Variants in WHRN observed in about 807,000 individuals in gnomAD.
The protein encoded by WHRN is whirlin.
WHRN carries 41 observed loss-of-function variants against 68.3 expected under a neutral mutation model. The observed-to-expected ratio is 0.60, with a 90% CI of 0.47 to 0.78. The LOEUF is 0.78. Among genes scored for constraint, WHRN ranks in the 30% least tolerant of loss-of-function variants. The pLI, the probability that WHRN is intolerant of heterozygous loss-of-function variation, is 0.00. For missense variants in WHRN, 1,243 were observed against 1,244.7 expected (o/e 1.00, Z 0.02); for synonymous variants, 560 against 561.3 (o/e 1.00, Z 0.03).
intron 1 of WHRN, among the ~76,000 whole-genome samples, chr9:114,493,661 C>G (rs1456051820): frequency 2.0e-5 from 3 of 151,712 alleles, no homozygotes; most frequent in East Asian, 3.9e-4. Context: ...AGACAACGTA[C>G]AAAATAAAAA....
At chr9:114,503,299 C>T (rs952531620) in intron 1 of WHRN, 27 of 709,850 alleles carry the variant, frequency 3.8e-5, no homozygotes, top group Admixed American at 6.3e-5. Flanking sequence ...GTCCCTTTTC[C>T]CCCAAACTCT....
chr9:114,492,679 T>G (rs948130157), intron 1 of WHRN, among the ~76,000 whole-genome samples: 1 of 152,126 alleles, frequency 6.6e-6, no homozygotes, highest in African/African-American at 2.4e-5. Context: ...TTTCTGAAGT[T>G]TTCAAGTTTT....
intron 3 of WHRN, among the ~76,000 whole-genome samples, chr9:114,436,686 G>A (rs562089205): frequency 2.8e-4 from 43 of 152,052 alleles, no homozygotes; most frequent in African/African-American, 9.2e-4. Context: ...AAAATTAGCC[G>A]GGCATGGTGG....
In WHRN at chr9:114,487,008, T is replaced by A. The variant is rs1490413435; in HGVS notation, c.619-8237A>T. Among the ~76,000 whole-genome samples, 59 of 92,246 alleles carry A rather than the reference T, an allele frequency of 6.4e-4. 1 individual carries two copies. The highest frequency in any genetic ancestry group is 2.4e-3 in the African/African-American group (52 of 21,548). The allele number at this position is 92,246 out of a possible 152,430, so 60.5% of individuals were successfully genotyped here. A position where few individuals can be genotyped will look rare whatever the true frequency, so the allele number is the denominator to read the frequency against. ...ATATATATATATATATATATATATA[T>A]AATATATATAGTGTTTAGCACCTGG... On this transcript the variant is annotated intron_variant, in intron 1 of 11. Coordinates refer to ENST00000362057, the MANE Select transcript of WHRN (RefSeq NM_015404.4).
At chr9:114,485,172 C>T (rs770797695) in intron 1 of WHRN, among the ~76,000 whole-genome samples, 3 of 152,186 alleles carry the variant, frequency 2.0e-5, no homozygotes, top group African/African-American at 4.8e-5. Context: ...TTTCTCTTTT[C>T]GGAAACAGAG....
intron 3 of WHRN, among the ~76,000 whole-genome samples, chr9:114,426,782 G>A (rs751765255): frequency 5.3e-5 from 8 of 152,176 alleles, no homozygotes; most frequent in Non-Finnish European, 7.3e-5. Context: ...GTGGACATCC[G>A]TAATTTTCCT....
At chr9:114,432,082 T>C (rs1837471074) in intron 3 of WHRN, among the ~76,000 whole-genome samples, 1 of 152,210 alleles carries the variant, frequency 6.6e-6, no homozygotes, top group Admixed American at 6.5e-5. Flanking sequence ...TTTGTCACCA[T>C]GGGAATCCTA....
chr9:114,471,583 C>T (rs1157649132), intron 2 of WHRN, among the ~76,000 whole-genome samples: 1 of 152,232 alleles, frequency 6.6e-6, no homozygotes, highest in Non-Finnish European at 1.5e-5. Flanking sequence ...AATTGTGCAA[C>T]CTGCCGGGGG....
intron 7 of WHRN, among the ~76,000 whole-genome samples, chr9:114,421,113 T>A (rs1393587257): frequency 6.6e-6 from 1 of 152,112 alleles, no homozygotes; most frequent in Non-Finnish European, 1.5e-5. Context: ...TTAGGACCAC[T>A]CTTTTCATCT....
intron 2 of WHRN, 143 bp downstream of exon 2, chr9:114,478,410 C>T (rs1841829160): frequency 1.1e-6 from 1 of 891,750 alleles, no homozygotes; most frequent in Non-Finnish European, 1.9e-6. Context: ...GAAAAAACAC[C>T]ACCCTTCAGT....
chr9:114,478,631 G>A lies in WHRN; in HGVS notation c.759C>T (p.Pro253=). Residue 253 remains proline (P), a synonymous_variant, in exon 2 of 12, where the codon CCC becomes CCT. Transcript: ENST00000362057. The part of the protein sequence containing the change: ...SISPPSGLPQ[P]HGGALRQQEG... ...CCTGCTGCCTCAGGGCACCACCGTG[G>A]GGCTGGGGCAGGCCCGAGGGTGGGG... 2.5e-6 allele frequency: 4 copies of A among 1,613,932 alleles called. No individual in the cohort carries two copies. The highest frequency in any genetic ancestry group is 3.4e-6 in the Non-Finnish European group (4 of 1,179,982).
chr9:114,425,993 T>A, intron 4 of WHRN: 2 of 630,548 alleles, frequency 3.2e-6, no homozygotes, highest in South Asian at 3.7e-5. Flanking sequence ...AAATAAAGAA[T>A]GAGACAGTTG....
Position 114,499,510 on chromosome 9 carries a change from C to T in WHRN, c.618+4674G>A, listed in dbSNP as rs76268034. Among the ~76,000 whole-genome samples the T allele has an allele frequency of 4.5e-3, 684 of 152,320 alleles. 7 individuals carry two copies. Among genetic ancestry groups the T allele is most frequent in the Non-Finnish European group, 7.1e-3 (481 of 68,038 alleles). ...GTCTGGGGTCCCTGAGAAGGGTAAA[C>T]CAAAGGCTTCCCTTCCAGGTCATAA... On this transcript the variant is annotated intron_variant, in intron 1 of 11. Coordinates refer to ENST00000362057, the MANE Select transcript of WHRN (RefSeq NM_015404.4).
In WHRN at chr9:114,418,266, C is replaced by T. The variant is rs75377694; in HGVS notation, c.1626+5048G>A. On this transcript the variant is annotated intron_variant, in intron 7 of 11. Coordinates refer to ENST00000362057, the MANE Select transcript of WHRN (RefSeq NM_015404.4). ...TGAGGAAGGGTGAGCAAAAGGGCCT[C>T]CAATCTGAGACCTGCTGTGTGTGGG... Among the ~76,000 whole-genome samples the T allele has an allele frequency of 1.9e-3, 288 of 152,236 alleles. 7 individuals carry two copies. The East Asian group carries it at 0.029, about 15-fold the overall frequency.
At chr9:114,496,689 A>G (rs1170929239) in intron 1 of WHRN, among the ~76,000 whole-genome samples, 1 of 152,226 alleles carries the variant, frequency 6.6e-6, no homozygotes, top group Non-Finnish European at 1.5e-5. Flanking sequence ...CAACAATGAC[A>G]TGTTTGTGAG....
At chr9:114,499,677 TGAGC>T (rs1362206437) in intron 1 of WHRN, among the ~76,000 whole-genome samples, 5 of 152,204 alleles carry the variant, frequency 3.3e-5, no homozygotes, top group Admixed American at 2.0e-4. Context: ...GTCAGGCACA[TGAGC>T]GAGGGGCTGC....
At chr9:114,431,148 T>G (rs1837389138) in intron 3 of WHRN, among the ~76,000 whole-genome samples, 1 of 152,162 alleles carries the variant, frequency 6.6e-6, no homozygotes, top group Non-Finnish European at 1.5e-5. Context: ...ATCCCTACAT[T>G]GCAGCCTCTA....
At chr9:114,445,565 T>C (rs1838746835) in intron 3 of WHRN, among the ~76,000 whole-genome samples, 1 of 152,064 alleles carries the variant, frequency 6.6e-6, no homozygotes, top group Non-Finnish European at 1.5e-5. Flanking sequence ...AATGAAAAAA[T>C]TGTGGGGAGA....
Position 114,416,255 on chromosome 9 carries a change from C to T in WHRN, c.1626+7059G>A, listed in dbSNP as rs555533313. 3.2e-4 allele frequency among the ~76,000 whole-genome samples: 49 copies of T among 152,312 alleles called. No homozygotes were observed. The South Asian group carries it at 5.0e-3, about 15-fold the overall frequency. ...GCCTGAGGTCAAGTCCAGGGCAAATCCCAGCTGCTGCCACCTGACCTCAAG... is the reference window on the plus strand; with the variant it reads ...GCCTGAGGTCAAGTCCAGGGCAAATTCCAGCTGCTGCCACCTGACCTCAAG... On this transcript the variant is annotated intron_variant, in intron 7 of 11. Coordinates refer to ENST00000362057, the MANE Select transcript of WHRN (RefSeq NM_015404.4).
Sources: gnomAD v4.1 joint callset for allele counts (sites outside exome capture counted in the v4.1 genomes callset) on GRCh38, gnomAD v4.1.1 for gene constraint, MANE v1.5 for transcripts, NCBI Gene and HGNC (gene_info 2026-07-23, HGNC 2026-07-21) for gene names.